The following SEC22C variants were observed in gnomAD, a reference collection of about 807,000 sequenced individuals.
The protein encoded by SEC22C is SEC22 homolog C, vesicle trafficking protein.
A neutral mutation model predicts 34.7 loss-of-function variants in SEC22C; 29 were observed. That is an observed-to-expected ratio of 0.84 (90% CI 0.62 to 1.14). SEC22C has a LOEUF of 1.14. SEC22C is among the 50% of genes most tolerant of loss of function. SEC22C has a pLI of 0.00. For missense variants in SEC22C, 337 were observed against 369.0 expected (o/e 0.91, Z 0.71); for synonymous variants, 117 against 132.8 (o/e 0.88, Z 0.82).
rs143842021 is a variant in SEC22C at position 42,551,089 on chromosome 3, G to C, written c.*2159C>G. 10,932 of 970,034 alleles carry C rather than the reference G, an allele frequency of 0.011. 71 individuals carry two copies. The highest frequency in any genetic ancestry group is 0.013 in the Non-Finnish European group (10,296 of 816,122). The allele number at this position is 970,034 out of a possible 1,614,324, so 60.1% of individuals were successfully genotyped here. A position where few individuals can be genotyped will look rare whatever the true frequency, so the allele number is the denominator to read the frequency against. On this transcript the variant is annotated 3_prime_UTR_variant, in exon 7 of 7. Coordinates refer to ENST00000264454, the MANE Select transcript of SEC22C (RefSeq NM_032970.4). ...TCACCATGTTAGCCAGGATGGTCTC[G>C]ATCTCTTGACCTCGTGATCTGCCCA...
intron 1 of SEC22C, chr3:42,579,329 TG>T (rs1282094202): frequency 6.6e-6 from 1 of 150,746 alleles, no homozygotes; most frequent in Non-Finnish European, 1.5e-5. Flanking sequence ...AGGCTGAGCA[TG>T]GTGGCTCATA....
In SEC22C at chr3:42,597,065, T is replaced by C. The variant is rs183902545; in HGVS notation, c.-28+3895A>G. On this transcript the variant is annotated intron_variant, in intron 1 of 6. Coordinates refer to the SEC22C transcript ENST00000417572. ...AAACTATTTCATCTCCAGAAAGGCA[T>C]GTACATTTCATACTGTTCAAGTCTG... 4.1e-4 allele frequency among the ~76,000 whole-genome samples: 63 copies of C among 152,314 alleles called. No homozygotes were observed. In the East Asian group the frequency reaches 0.011, roughly 27 times the overall value.
chr3:42,555,536 G>A (rs933907158), intron 6 of SEC22C, among the ~76,000 whole-genome samples: 9 of 152,228 alleles, frequency 5.9e-5, no homozygotes, highest in Middle Eastern at 3.4e-3. Flanking sequence ...TACTTTTATA[G>A]AAGGACATTT....
At chr3:42,557,739 C>T in intron 4 of SEC22C, 43 bp from the exon 5 acceptor site, 1 of 1,016,868 alleles carries the variant, frequency 9.8e-7, no homozygotes. Flanking sequence ...TAAGTAATTT[C>T]TACATGAAAG....
At position 42,549,667 on chromosome 3, in the gene SEC22C, A is replaced by G. The variant is rs1702153179; in HGVS notation, c.*3581T>C. On this transcript the variant is annotated 3_prime_UTR_variant, in exon 7 of 7. Transcript: ENST00000264454. ...TCGTCTACCCACCCCATTTGTTACA[A>G]TTAAAGATGGTTTTCTCATCCCTCC... 6 of 985,304 alleles carry G rather than the reference A, an allele frequency of 6.1e-6. No individual in the cohort carries two copies. The highest frequency in any genetic ancestry group is 7.2e-6 in the Non-Finnish European group (6 of 829,974). 61.0% of individuals were successfully genotyped at this position (985,304 alleles called of 1,614,324 possible).
At position 42,563,512 on chromosome 3, in the gene SEC22C, G is replaced by C; in HGVS notation, c.346+11C>G. The stretch of plus-strand genomic sequence containing the variant: ...GGAAGAGAAAAATAAATATGAAAGA[G>C]GGTTACAAACCAAACTCAAGAAAAG... On this transcript the variant is annotated intron_variant, in intron 3 of 6. Coordinates refer to ENST00000264454, the MANE Select transcript of SEC22C (RefSeq NM_032970.4). The C allele has an allele frequency of 6.2e-7, 1 of 1,600,980 alleles. No individual in the cohort carries two copies. The highest frequency in any genetic ancestry group is 8.5e-7 in the Non-Finnish European group (1 of 1,174,652).
chr3:42,583,319 T>C (rs542442288), upstream of SEC22C, among the ~76,000 whole-genome samples: 4 of 152,234 alleles, frequency 2.6e-5, no homozygotes, highest in South Asian at 8.3e-4. Flanking sequence ...AAAAGAGATC[T>C]AAGAAGGCTG....
In SEC22C at chr3:42,549,652, A is replaced by T; in HGVS notation, c.*3596T>A. Reference sequence around the variant, plus strand: ...CTCCCACTCTGAAGCTCGTCTACCCACCCCATTTGTTACAATTAAAGATGG... The same window carrying T: ...CTCCCACTCTGAAGCTCGTCTACCCTCCCCATTTGTTACAATTAAAGATGG... On this transcript the variant is annotated 3_prime_UTR_variant, in exon 7 of 7. Coordinates refer to ENST00000264454, the MANE Select transcript of SEC22C (RefSeq NM_032970.4). The T allele has an allele frequency of 1.0e-6, 1 of 985,238 alleles. No homozygotes were observed. The highest frequency in any genetic ancestry group is 1.2e-6 in the Non-Finnish European group (1 of 829,920). 61.0% of individuals were successfully genotyped at this position (985,238 alleles called of 1,614,324 possible).
At chr3:42,562,734 G>A (rs1308350538) in intron 3 of SEC22C, among the ~76,000 whole-genome samples, 1 of 152,118 alleles carries the variant, frequency 6.6e-6, no homozygotes, top group Non-Finnish European at 1.5e-5. Context: ...TCTCCCAAGA[G>A]CTCAAAATGA....
intron 4 of SEC22C, among the ~76,000 whole-genome samples, chr3:42,558,438 T>C (rs1469991793): frequency 6.9e-6 from 1 of 145,392 alleles, no homozygotes; most frequent in Non-Finnish European, 1.5e-5. Context: ...CAGTGAGCCA[T>C]GATTGCGCCC....
intron 2 of SEC22C, chr3:42,563,953 G>A: frequency 1.5e-6 from 2 of 1,348,336 alleles, no homozygotes; most frequent in South Asian, 2.5e-5. Flanking sequence ...TATTCTATTG[G>A]GGGAATTAGC....
At chr3:42,554,098 T>G (rs139168060) in intron 6 of SEC22C, among the ~76,000 whole-genome samples, 16 of 152,140 alleles carry the variant, frequency 1.1e-4, no homozygotes, top group African/African-American at 3.9e-4. Flanking sequence ...CTTTGTTTTT[T>G]TTTTTTAAAA....
chr3:42,586,863 A>C (rs1283191861), upstream of SEC22C, among the ~76,000 whole-genome samples: 2 of 152,176 alleles, frequency 1.3e-5, no homozygotes, highest in African/African-American at 4.8e-5. Context: ...CACACTGTAC[A>C]TTTCCACAAC....
chr3:42,588,046 C>G (rs1177160955), intron 1 of SEC22C, among the ~76,000 whole-genome samples: 1 of 148,456 alleles, frequency 6.7e-6, no homozygotes, highest in Non-Finnish European at 1.5e-5. Flanking sequence ...GCACTCCAGC[C>G]TGGGCAACAA....
At chr3:42,567,684 A>G (rs1407896521) in intron 2 of SEC22C, among the ~76,000 whole-genome samples, 1 of 152,194 alleles carries the variant, frequency 6.6e-6, no homozygotes, top group Non-Finnish European at 1.5e-5. Context: ...TTAGTTATAT[A>G]TTTCTCTTGT....
At chr3:42,592,887 A>T (rs1441389186) in intron 1 of SEC22C, among the ~76,000 whole-genome samples, 2 of 152,078 alleles carry the variant, frequency 1.3e-5, no homozygotes, top group African/African-American at 4.8e-5. Flanking sequence ...CCGTAAACTT[A>T]TGTTGATCAT....
At chr3:42,588,913 T>C (rs886752024) in intron 1 of SEC22C, among the ~76,000 whole-genome samples, 1 of 151,874 alleles carries the variant, frequency 6.6e-6, no homozygotes, top group Non-Finnish European at 1.5e-5. Context: ...AAGCCCTGAG[T>C]CCGCCCCAGC....
At chr3:42,562,200 T>C (rs964563127) in intron 3 of SEC22C, among the ~76,000 whole-genome samples, 5 of 152,172 alleles carry the variant, frequency 3.3e-5, no homozygotes, top group African/African-American at 1.2e-4. Flanking sequence ...CTCATTCTAC[T>C]CCCACTCAAC....
rs575052034 is a variant in SEC22C at position 42,548,954 on chromosome 3, C to T, written c.*4294G>A. On this transcript the variant is annotated 3_prime_UTR_variant, in exon 7 of 7. Coordinates refer to ENST00000264454, the MANE Select transcript of SEC22C (RefSeq NM_032970.4). ...TTTGACCCTCATAACAGCACCCTGG[C>T]GGGGGGGCAGATTGATGTTATCACC... 17 of 1,167,290 alleles carry T rather than the reference C, an allele frequency of 1.5e-5. No individual in the cohort carries two copies. In the African/African-American group the frequency reaches 1.7e-4, roughly 12 times the overall value. The allele number at this position is 1,167,290 out of a possible 1,614,324, so 72.3% of individuals were successfully genotyped here.
Sources: allele counts gnomAD v4.1 joint callset (sites outside exome capture counted in the v4.1 genomes callset), GRCh38; gene constraint gnomAD v4.1.1; transcripts MANE v1.5; gene names NCBI Gene and HGNC (gene_info 2026-07-23, HGNC 2026-07-21).